Variants in PCDH9 observed in about 807,000 individuals in gnomAD.
PCDH9 encodes protocadherin-9.
A neutral mutation model predicts 70.6 loss-of-function variants in PCDH9; 24 were observed. That is an observed-to-expected ratio of 0.34 (90% confidence interval 0.25 to 0.48). The LOEUF (loss-of-function observed/expected upper bound fraction) is 0.48. PCDH9 is among the 20% of genes least tolerant of loss of function. The pLI, the probability that PCDH9 is intolerant of heterozygous loss-of-function variation, is 0.99. For missense variants in PCDH9, 1,281 were observed against 1,503.6 expected, an observed-to-expected ratio of 0.85 and a Z score of 2.45; for synonymous variants, 562 against 558.5, an observed-to-expected ratio of 1.01 and a Z score of -0.09.
intron 2 of PCDH9, among the ~76,000 whole-genome samples, chr13:67,029,917 A>C (rs757784602): frequency 3.9e-5 from 6 of 152,186 alleles, no homozygotes; most frequent in Non-Finnish European, 7.4e-5. Flanking sequence ...TTGTATTAAT[A>C]AAAATTAGCA....
intron 2 of PCDH9, among the ~76,000 whole-genome samples, chr13:66,921,379 A>G (rs904513730): frequency 1.3e-5 from 2 of 151,282 alleles, no homozygotes; most frequent in Non-Finnish European, 3.0e-5. Context: ...AGTTAGATTT[A>G]GTATAGCTCT....
At chr13:67,048,203 G>A (rs918058172) in intron 2 of PCDH9, among the ~76,000 whole-genome samples, 1 of 152,154 alleles carries the variant, frequency 6.6e-6, no homozygotes, top group Admixed American at 6.5e-5. Flanking sequence ...CCTAACATGA[G>A]AGCCCCTCAT....
chr13:66,392,391 T>G (rs1957033016), intron 4 of PCDH9, among the ~76,000 whole-genome samples: 1 of 152,114 alleles, frequency 6.6e-6, no homozygotes, highest in Non-Finnish European at 1.5e-5. Flanking sequence ...TCTCATAATT[T>G]TCAAAATATT....
In PCDH9 at chr13:67,086,537, AAAG is replaced by A. The variant is rs1230700391; in HGVS notation, c.3036+138865_3036+138867del. 2.6e-5 allele frequency among the ~76,000 whole-genome samples: 4 copies of A among 152,294 alleles called. No individual in the cohort carries two copies. In the East Asian group the frequency reaches 7.7e-4, roughly 29 times the overall value. On this transcript the variant is annotated intron_variant, in intron 2 of 4. Transcript: ENST00000377865. The stretch of plus-strand genomic sequence containing the variant: ...TAATTGAAAGAGGTAAGTGGCCAAT[AAAG>A]ATGAAAGTGCAACCAGGAAACGAAG...
intron 2 of PCDH9, among the ~76,000 whole-genome samples, chr13:67,145,697 G>C (rs552357849): frequency 6.6e-6 from 1 of 152,036 alleles, no homozygotes; most frequent in African/African-American, 2.4e-5. Flanking sequence ...TAAAGACTAA[G>C]AGAGGCATTA....
At chr13:66,795,776 G>T (rs1452482051) in intron 3 of PCDH9, among the ~76,000 whole-genome samples, 1 of 152,148 alleles carries the variant, frequency 6.6e-6, no homozygotes, top group African/African-American at 2.4e-5. Context: ...TGGAGTGTTT[G>T]CACTCATTTT....
intron 4 of PCDH9, among the ~76,000 whole-genome samples, chr13:66,596,514 TC>T (rs140235213): frequency 0.16 from 24,539 of 151,698 alleles, 2,157 homozygotes; most frequent in Middle Eastern, 0.22. Flanking sequence ...CATTATATTT[TC>T]ATTTCTTCTA....
At chr13:66,371,552 G>A (rs1247002603) in intron 4 of PCDH9, among the ~76,000 whole-genome samples, 2 of 151,894 alleles carry the variant, frequency 1.3e-5, no homozygotes, top group African/African-American at 4.8e-5. Context: ...AAACTTGTTT[G>A]TTCAAAATAA....
At chr13:66,837,819 A>G (rs968786991) in intron 3 of PCDH9, among the ~76,000 whole-genome samples, 2 of 152,196 alleles carry the variant, frequency 1.3e-5, no homozygotes, top group Non-Finnish European at 2.9e-5. Context: ...TCAAGGAGAT[A>G]AAAGCACTCC....
Position 67,228,082 on chromosome 13 carries a change from T to C in PCDH9, c.359A>G (p.Asn120Ser), listed in dbSNP as rs758663163. 12 of 1,614,106 alleles carry C rather than the reference T, an allele frequency of 7.4e-6. No individual in the cohort carries two copies. The highest frequency in any genetic ancestry group is 1.6e-4 in the Middle Eastern group (1 of 6,062). The change falls in exon 2 of 5, where the codon AAT (asparagine) becomes AGT (serine). Residue 120 changes from asparagine to serine, a missense_variant. By Grantham distance (46) the Asn-to-Ser change is conservative. Transcript: ENST00000377865. ...FFELEVVILP[N>S]DFFRLIKIKI... Reference sequence around the variant, plus strand: ...TATTTTGATCAGCCTGAAGAAATCATTGGGGAGGATCACCACCTCAAGTTC... The same window carrying C: ...TATTTTGATCAGCCTGAAGAAATCACTGGGGAGGATCACCACCTCAAGTTC...
chr13:66,633,652 T>C (rs1383136310), intron 3 of PCDH9, among the ~76,000 whole-genome samples: 2 of 152,086 alleles, frequency 1.3e-5, no homozygotes, highest in Non-Finnish European at 2.9e-5. Context: ...ACCTCTTAAC[T>C]CTGGTGAGTA....
chr13:67,226,204 A>C lies in PCDH9; in HGVS notation c.2237T>G (p.Val746Gly), dbSNP rs1335474966. 6.2e-7 allele frequency: 1 copy of C among 1,614,120 alleles called. No homozygotes were observed. Among genetic ancestry groups the C allele is most frequent in the East Asian group, 2.2e-5 (1 of 44,866 alleles). The change falls in exon 2 of 5, where the codon GTG (valine) becomes GGG (glycine). Residue 746 changes from valine to glycine, a missense_variant. Val to Gly is a moderately radical substitution (Grantham distance 109). Around this residue, in one of 4 missense-constraint regions of PCDH9, gnomAD observed 798 missense variants for 1,003.1 expected, o/e 0.80. Transcript: ENST00000377865. This position sits in a 1 kb window ranked among gnomAD's most constrained non-coding sequence, Gnocchi z 5.0. ...GTTGACCACCAAACGATGCAATCCCACATCAGTAGGTGCTGGTTTTTCTTC... is the reference window on the plus strand; with the variant it reads ...GTTGACCACCAAACGATGCAATCCCCCATCAGTAGGTGCTGGTTTTTCTTC... Reference protein sequence around the residue: ...TLEEKPAPTDVGLHRLVVNIS... With the variant: ...TLEEKPAPTDGGLHRLVVNIS...
intron 2 of PCDH9, chr13:66,985,417 C>T (rs2083871124): frequency 6.6e-6 from 1 of 151,904 alleles, no homozygotes; most frequent in African/African-American, 2.4e-5. Flanking sequence ...TAATTTGACC[C>T]ATGAATAAGT....
intron 4 of PCDH9, among the ~76,000 whole-genome samples, chr13:66,349,899 T>A (rs1956267862): frequency 6.6e-6 from 1 of 152,226 alleles, no homozygotes; most frequent in Non-Finnish European, 1.5e-5. Flanking sequence ...AATTTTTGAC[T>A]TTATAGATAT....
rs539890871 is a variant in PCDH9 at position 66,802,212 on chromosome 13, C to T, written c.3138+101292G>A. 7.0e-4 allele frequency among the ~76,000 whole-genome samples: 106 copies of T among 151,674 alleles called. 1 individual carries two copies. The highest frequency in any genetic ancestry group is 3.4e-3 in the Middle Eastern group (1 of 294). On this transcript the variant is annotated intron_variant, in intron 3 of 4. Transcript: ENST00000377865. ...AGTATTAATCAAAGTTTCATCAATA[C>T]AGTTCTAATAAATGATTTGAACATG...
At chr13:66,982,254 G>A (rs2083789120) in intron 2 of PCDH9, among the ~76,000 whole-genome samples, 1 of 152,186 alleles carries the variant, frequency 6.6e-6, no homozygotes, top group Admixed American at 6.5e-5. Flanking sequence ...ACAGCCTGCA[G>A]TGAGTGCTTG....
intron 2 of PCDH9, among the ~76,000 whole-genome samples, chr13:67,140,229 A>G (rs1348852949): frequency 1.3e-5 from 2 of 152,082 alleles, no homozygotes; most frequent in Admixed American, 6.5e-5. Flanking sequence ...TCTGGCTCAC[A>G]TTGCCAGAAC....
intron 2 of PCDH9, among the ~76,000 whole-genome samples, chr13:67,129,900 A>T (rs1197701162): frequency 6.6e-6 from 1 of 152,056 alleles, no homozygotes; most frequent in Non-Finnish European, 1.5e-5. Context: ...GAGAGTAAAA[A>T]GACCATATTC....
chr13:66,432,610 C>A (rs1379686057), intron 4 of PCDH9, among the ~76,000 whole-genome samples: 1 of 151,882 alleles, frequency 6.6e-6, no homozygotes, highest in Non-Finnish European at 1.5e-5. Context: ...ACACAGACTA[C>A]CAGAGAAATG....
Sources: gnomAD v4.1 joint callset for allele counts (sites outside exome capture counted in the v4.1 genomes callset) on GRCh38, gnomAD v4.1.1 for gene constraint, gnomAD v4.1.1 regional missense constraint, Gnocchi (gnomAD v3.1) non-coding constraint, MANE v1.5 for transcripts, NCBI Gene and HGNC (gene_info 2026-07-23, HGNC 2026-07-21) for gene names.